NRXN3: variants seen among roughly 807,000 people sequenced by gnomAD.
NRXN3 encodes neurexin 3, also known as neurexin III.
Under a neutral mutation model 137.6 loss-of-function variants are expected in NRXN3, and 32 were observed. The observed-to-expected ratio is 0.23, with a 90% CI of 0.18 to 0.31. NRXN3 has a LOEUF of 0.31. Ranked by LOEUF, NRXN3 falls within the 10% of genes least tolerant of loss-of-function variation. NRXN3 has a pLI of 1.00. For missense variants in NRXN3, 1,574 were observed against 2,062.5 expected, an observed-to-expected ratio of 0.76 and a Z score of 4.59; for synonymous variants, 798 against 784.5, an observed-to-expected ratio of 1.02 and a Z score of -0.29.
At chr14:79,629,814 CGTGTGTGTGTGCGTGTGT>C (rs36174797) in intron 16 of NRXN3, among the ~76,000 whole-genome samples, 10,924 of 92,828 alleles carry the variant, frequency 0.12, 1,312 homozygotes, top group African/African-American at 0.43. Context: ...TGTGTATGTG[CGTGTGTGTGTGCGTGTGT>C]GTGTGTGTGT....
chr14:78,267,119 G>A lies in NRXN3; in HGVS notation c.710-11526G>A, dbSNP rs76250064. On this transcript the variant is annotated intron_variant, in intron 2 of 20. Transcript: ENST00000335750. Reference sequence around the variant, plus strand: ...CTTTCTTAACACAGTATTCCAGGTTGTCAACAATCAAAGAACAGGGAATTA... The same window carrying A: ...CTTTCTTAACACAGTATTCCAGGTTATCAACAATCAAAGAACAGGGAATTA... Among the ~76,000 whole-genome samples the A allele has an allele frequency of 1.1e-3, 171 of 152,272 alleles. 1 individual carries two copies. The East Asian group carries it at 0.022, about 19-fold the overall frequency.
intron 4 of NRXN3, among the ~76,000 whole-genome samples, chr14:78,404,477 C>A (rs886196378): frequency 6.6e-6 from 1 of 151,980 alleles, no homozygotes; most frequent in East Asian, 1.9e-4. Flanking sequence ...TCTGGAGGCA[C>A]CTGGGTCGGC....
chr14:78,278,681 A>G lies in NRXN3; in HGVS notation c.727+19A>G, dbSNP rs1293170332. On this transcript the variant is annotated intron_variant, in intron 3 of 20. Transcript: ENST00000335750. Reference sequence around the variant, plus strand: ...GATCCAGGTGAGTCTTTGTGTTTGCACAGCTGCTGTGGGAATTTCCCCTCT... The same window carrying G: ...GATCCAGGTGAGTCTTTGTGTTTGCGCAGCTGCTGTGGGAATTTCCCCTCT... 1.3e-6 allele frequency: 2 copies of G among 1,533,710 alleles called. No homozygotes were observed. The highest frequency in any genetic ancestry group is 1.7e-6 in the Non-Finnish European group (2 of 1,145,302).
intron 2 of NRXN3, among the ~76,000 whole-genome samples, chr14:78,245,058 A>C (rs958744482): frequency 1.3e-5 from 2 of 152,220 alleles, no homozygotes; most frequent in African/African-American, 4.8e-5. Context: ...TGAGAAGCTG[A>C]GAACCAACCA....
chr14:79,671,953 A>C (rs561840636), intron 17 of NRXN3, among the ~76,000 whole-genome samples: 1 of 152,246 alleles, frequency 6.6e-6, no homozygotes, highest in South Asian at 2.1e-4. Flanking sequence ...CCCCCAAAAC[A>C]TTAGGTTAAT....
In NRXN3 at chr14:79,569,728, C is replaced by G. The variant is rs973096364; in HGVS notation, c.3445-94050C>G. On this transcript the variant is annotated intron_variant, in intron 16 of 20. Coordinates refer to ENST00000335750, the MANE Select transcript of NRXN3 (RefSeq NM_001330195.2). ...GGTTCAAGTGATTCTCATGCCTCAG[C>G]CTCCTGAGTAGCTGGGATTACAGGT... 4.6e-5 allele frequency among the ~76,000 whole-genome samples: 7 copies of G among 152,014 alleles called. No individual in the cohort carries two copies. In the South Asian group the frequency reaches 8.3e-4, roughly 18 times the overall value.
At chr14:78,341,901 A>G (rs1237866149) in intron 4 of NRXN3, among the ~76,000 whole-genome samples, 1 of 152,244 alleles carries the variant, frequency 6.6e-6, no homozygotes, top group African/African-American at 2.4e-5. Context: ...GAACCCCAGA[A>G]TAGGGAAGTT....
rs999266381 is a variant in NRXN3 at position 79,301,803 on chromosome 14, G to A, written c.3263-165418G>A. 2.6e-5 allele frequency among the ~76,000 whole-genome samples: 4 copies of A among 151,844 alleles called. No individual in the cohort carries two copies. The Admixed American group carries it at 2.6e-4, about 10-fold the overall frequency. The stretch of plus-strand genomic sequence containing the variant: ...CTCCTCACTTGAAGTTTTGGAATTA[G>A]CTACTAATATATGTGTATGTTTAAG... On this transcript the variant is annotated intron_variant, in intron 15 of 20. Transcript: ENST00000335750.
At chr14:78,483,981 TACACACACACACACACACAC>T (rs71979335) in intron 4 of NRXN3, among the ~76,000 whole-genome samples, 2 of 123,748 alleles carry the variant, frequency 1.6e-5, no homozygotes, top group Admixed American at 8.7e-5. Context: ...GGGATGCTCT[TACACACACACACACACACAC>T]ACACACACAC....
intron 4 of NRXN3, among the ~76,000 whole-genome samples, chr14:78,386,129 G>T (rs2089943885): frequency 1.3e-5 from 2 of 152,134 alleles, no homozygotes; most frequent in South Asian, 4.1e-4. Flanking sequence ...TAGAGGGATA[G>T]ATAGATGCGG....
intron 1 of NRXN3, among the ~76,000 whole-genome samples, chr14:78,239,081 A>G (rs1398633599): frequency 6.6e-6 from 1 of 152,238 alleles, no homozygotes; most frequent in African/African-American, 2.4e-5. Flanking sequence ...AGGCCACTGC[A>G]TGGAACAGAA....
At chr14:78,257,614 G>A (rs141666679) in intron 2 of NRXN3, among the ~76,000 whole-genome samples, 295 of 152,362 alleles carry the variant, frequency 1.9e-3, no homozygotes, top group African/African-American at 6.7e-3. Flanking sequence ...AGCTCTATGA[G>A]AGAGCAGCTT....
At chr14:78,739,594 C>G (rs1318501939) in intron 8 of NRXN3, among the ~76,000 whole-genome samples, 1 of 152,162 alleles carries the variant, frequency 6.6e-6, no homozygotes, top group Non-Finnish European at 1.5e-5. Context: ...GCTTCAGCCT[C>G]CTGAGTAGCT....
intron 6 of NRXN3, among the ~76,000 whole-genome samples, chr14:78,665,919 T>C (rs1382512000): frequency 6.6e-6 from 1 of 152,178 alleles, no homozygotes; most frequent in African/African-American, 2.4e-5. Context: ...ATTTTCCTTT[T>C]ATCCCATATC....
At chr14:78,282,320 T>C (rs1270735108) in intron 3 of NRXN3, 2 of 372,822 alleles carry the variant, frequency 5.4e-6, no homozygotes, top group Non-Finnish European at 1.1e-5. Context: ...GAGTAGTGGG[T>C]TAGAGCACAG....
chr14:79,362,062 C>A (rs1365195724), intron 15 of NRXN3, among the ~76,000 whole-genome samples: 2 of 148,674 alleles, frequency 1.3e-5, no homozygotes, highest in African/African-American at 4.9e-5. Context: ...AGGTTTCCAA[C>A]AATTCTTCTG....
intron 4 of NRXN3, among the ~76,000 whole-genome samples, chr14:78,541,084 C>T (rs774624915): frequency 2.1e-5 from 3 of 143,840 alleles, no homozygotes; most frequent in Non-Finnish European, 3.1e-5. Flanking sequence ...GTGAATCTGA[C>T]AATTATGTGT....
chr14:79,016,396 G>C (rs539321926), intron 15 of NRXN3, among the ~76,000 whole-genome samples: 3 of 152,260 alleles, frequency 2.0e-5, no homozygotes, highest in Admixed American at 6.5e-5. Flanking sequence ...AAGGGAAATC[G>C]TTTTAGATTT....
chr14:79,811,156 A>T (rs1454778297), intron 20 of NRXN3, among the ~76,000 whole-genome samples: 1 of 152,180 alleles, frequency 6.6e-6, no homozygotes, highest in African/African-American at 2.4e-5. Context: ...ATCTCATAGG[A>T]ATGTTGGAGT....
Sources: allele counts gnomAD v4.1 joint callset (sites outside exome capture counted in the v4.1 genomes callset), GRCh38; gene constraint gnomAD v4.1.1; transcripts MANE v1.5; gene names NCBI Gene and HGNC (gene_info 2026-07-23, HGNC 2026-07-21).